Variants in ABCB8 observed in about 807,000 individuals in gnomAD.
The protein encoded by ABCB8 is ATP binding cassette subfamily B member 8.
ABCB8 carries 52 observed loss-of-function variants against 73.0 expected under a neutral mutation model. That is an observed-to-expected ratio of 0.71 (90% confidence interval 0.57 to 0.90). ABCB8 has a LOEUF of 0.90. Ranked by LOEUF, ABCB8 falls within the 40% of genes least tolerant of loss-of-function variation. The pLI, the probability that ABCB8 is intolerant of heterozygous loss-of-function variation, is 0.00. For missense variants in ABCB8, 909 were observed against 974.6 expected (o/e 0.93, Z 0.90); for synonymous variants, 428 against 423.5 (o/e 1.01, Z -0.13).
intron 14 of ABCB8, among the ~76,000 whole-genome samples, chr7:151,043,155 C>T (rs560028936): frequency 2.0e-5 from 3 of 152,338 alleles, no homozygotes; most frequent in South Asian, 2.1e-4. Context: ...CCACAGAGAC[C>T]CGGGAGGCTG....
rs528152751 is a variant in ABCB8, at chr7:151,046,726, G to T, written c.*1377G>T. The T allele has an allele frequency of 6.6e-6, 1 of 152,398 alleles. No homozygotes were observed. The highest frequency in any genetic ancestry group is 1.9e-4 in the East Asian group (1 of 5,184). 9.4% of individuals were successfully genotyped at this position (152,398 alleles called of 1,614,324 possible). On this transcript the variant is annotated 3_prime_UTR_variant, in exon 16 of 16. Coordinates refer to ENST00000358849, the MANE Select transcript of ABCB8 (RefSeq NM_007188.5). ...AGAAGGGTGGTACCCTCTTTCAGGGGTGTGATACAGTGCATTGATGGAGCA... is the reference window on the plus strand; with the variant it reads ...AGAAGGGTGGTACCCTCTTTCAGGGTTGTGATACAGTGCATTGATGGAGCA...
chr7:151,028,973 C>T, intron 1 of ABCB8: 1 of 1,246,084 alleles, frequency 8.0e-7, no homozygotes, highest in Non-Finnish European at 1.0e-6. Context: ...TGTAGTGGTG[C>T]TTCCAGGATT....
intron 14 of ABCB8, 27 bp from the exon 15 acceptor site, chr7:151,043,944 G>A (rs1270718368): frequency 1.2e-6 from 2 of 1,603,228 alleles, no homozygotes; most frequent in East Asian, 4.5e-5. Context: ...ACAGCTTCAG[G>A]CTCCTGCCCT....
Position 151,035,884 on chromosome 7 carries a change from C to A in ABCB8, c.930C>A (p.Ile310=), listed in dbSNP as rs187662799. 1.9e-6 allele frequency: 3 copies of A among 1,613,086 alleles called. No individual in the cohort carries two copies. Among genetic ancestry groups the A allele is most frequent in the Non-Finnish European group, 8.5e-7 (1 of 1,180,036 alleles). ...RKLSRQCQEQ[I]ARAMGVADEA... ...CCTGTTTCCTGGACTCCTTGCAGATCGCCAGGGCAATGGGCGTAGCAGACG... is the reference window on the plus strand; with the variant it reads ...CCTGTTTCCTGGACTCCTTGCAGATAGCCAGGGCAATGGGCGTAGCAGACG... The change falls in exon 7 of 16, where the codon ATC becomes ATA. Residue 310 remains isoleucine, a splice_region_variant and synonymous_variant. Transcript: ENST00000358849.
At chr7:151,028,641 C>T (rs373243993) in intron 1 of ABCB8, 31 bp downstream of exon 1, 16 of 1,599,560 alleles carry the variant, frequency 1.0e-5, no homozygotes, top group Non-Finnish European at 1.4e-5. Flanking sequence ...TCAGAGCGGG[C>T]CATTGACCGC....
At chr7:151,029,385 AG>A in intron 1 of ABCB8, among the ~76,000 whole-genome samples, 1 of 151,782 alleles carries the variant, frequency 6.6e-6, no homozygotes, top group East Asian at 1.9e-4. Flanking sequence ...GTCGAGAGAG[AG>A]AGACAGACAG....
In ABCB8 at chr7:151,043,962, C is replaced by G. The variant is rs200761492; in HGVS notation, c.1766-9C>G. On this transcript the variant is annotated splice_polypyrimidine_tract_variant and intron_variant, in intron 14 of 15. Coordinates refer to ENST00000358849, the MANE Select transcript of ABCB8 (RefSeq NM_007188.5). ...GCTTCAGGCTCCTGCCCTGCCCCTC[C>G]CTTCCCAGGTGAACGGGGCACTACC... The G allele has an allele frequency of 1.2e-6, 2 of 1,606,356 alleles. No individual in the cohort carries two copies. The highest frequency in any genetic ancestry group is 2.7e-5 in the African/African-American group (2 of 74,870).
intron 9 of ABCB8, 56 bp downstream of exon 9, chr7:151,036,705 G>C: frequency 2.1e-6 from 3 of 1,457,584 alleles, no homozygotes; most frequent in Non-Finnish European, 2.8e-6. Flanking sequence ...CCAGAGCCCT[G>C]CTGGGTTAGG....
chr7:151,031,208 G>A (rs983784590), intron 1 of ABCB8: 5 of 1,355,622 alleles, frequency 3.7e-6, no homozygotes, highest in Non-Finnish European at 5.1e-6. Context: ...AGTTCTGCCA[G>A]TGCTGTCTAA....
rs374991803 is a variant in ABCB8 at position 151,034,287 on chromosome 7, G to A, written c.423G>A (p.Ala141=). Residue 141 remains alanine, a synonymous_variant, in exon 3 of 16, where the codon GCG becomes GCA. Transcript: ENST00000358849. ...LGVAVVLALG[A]ALVNVQIPLL... ...CCCCATTCCAGCTGGCCTTGGGTGC[G>A]GCACTCGTGAATGTACAGATCCCCC... The A allele has an allele frequency of 2.4e-5, 38 of 1,612,768 alleles. No homozygotes were observed. Among genetic ancestry groups the A allele is most frequent in the African/African-American group, 5.3e-5 (4 of 74,912 alleles).
chr7:151,037,025 T>C (rs1165402288), intron 9 of ABCB8: 1 of 686,210 alleles, frequency 1.5e-6, no homozygotes, highest in Non-Finnish European at 2.7e-6. Flanking sequence ...CACATTGCTG[T>C]GCGGCTGTTG....
chr7:151,032,183 C>T (rs542609079), intron 1 of ABCB8, among the ~76,000 whole-genome samples: 2 of 152,302 alleles, frequency 1.3e-5, no homozygotes, highest in East Asian at 3.9e-4. Context: ...CCACCTGTGC[C>T]TGGCCTGTTC....
intron 9 of ABCB8, 179 bp from the exon 10 acceptor site, chr7:151,040,089 G>T (rs908946110): frequency 1.5e-6 from 1 of 648,612 alleles, no homozygotes; most frequent in African/African-American, 1.9e-5. Context: ...GGGAGCCAGG[G>T]CTCAGCGATC....
chr7:151,029,483 C>A (rs1031337704), intron 1 of ABCB8: 1 of 100,338 alleles, frequency 1.0e-5, no homozygotes, highest in Non-Finnish European at 2.0e-5. Flanking sequence ...CTTTTTTTTT[C>A]TTTTCTTTTC....
In ABCB8 at chr7:151,040,255, C is replaced by T; in HGVS notation, c.1218-13C>T. 1.2e-6 allele frequency: 2 copies of T among 1,611,412 alleles called. No individual in the cohort carries two copies. The highest frequency in any genetic ancestry group is 1.7e-6 in the Non-Finnish European group (2 of 1,178,952). ...TTCCCATCTATTCCACCCCTCTCTC[C>T]TTTTTCTGACAGGTCCATGGCCAAC... On this transcript the variant is annotated splice_polypyrimidine_tract_variant and intron_variant, in intron 9 of 15. Transcript: ENST00000358849.
chr7:151,040,620 G>C lies in ABCB8; in HGVS notation c.1374G>C (p.Gln458His). 2 of 1,612,798 alleles carry C rather than the reference G, an allele frequency of 1.2e-6. No individual in the cohort carries two copies. Among genetic ancestry groups the C allele is most frequent in the South Asian group, 1.1e-5 (1 of 91,006 alleles). ...AGCTGCGTGGCTCCGTTACATTTCA[G>C]AACGTCTGCTTCAGGTCAGCACGGG... ...KEQLRGSVTF[Q>H]NVCFSYPCRP... Residue 458 changes from glutamine to histidine, a missense_variant, in exon 11 of 16, where the codon CAG becomes CAC. Physicochemically the swap from Gln to His is conservative, Grantham distance 24. Transcript: ENST00000358849.
rs781539419 is a variant in ABCB8, at chr7:151,044,198, A to G, written c.1993A>G (p.Met665Val). The G allele has an allele frequency of 1.9e-5, 30 of 1,600,350 alleles. No individual in the cohort carries two copies. The highest frequency in any genetic ancestry group is 2.7e-5 in the African/African-American group (2 of 74,658). Residue 665 changes from methionine (M) to valine (V), a missense_variant, in exon 15 of 16, where the codon ATG (methionine) becomes GTG (valine). Met to Val is a conservative substitution (Grantham distance 21). Transcript: ENST00000358849. ...CCGTGGGGCCCACTGCATTGTCGTC[A>G]TGGCCGATGGCCGTGTCTGGGAGGT... ...TVRGAHCIVV[M>V]ADGRVWEAGT... is the part of the protein sequence containing the mutation.
intron 5 of ABCB8, among the ~76,000 whole-genome samples, chr7:151,035,273 T>C (rs570896724): frequency 6.6e-6 from 1 of 152,334 alleles, no homozygotes; most frequent in East Asian, 1.9e-4. Flanking sequence ...CAGTCACTGG[T>C]GTACCCCCAT....
intron 4 of ABCB8, 50 bp downstream of exon 4, chr7:151,034,649 G>A: frequency 6.2e-7 from 1 of 1,612,746 alleles, no homozygotes; most frequent in Non-Finnish European, 8.5e-7. Context: ...GGCCTGAGGG[G>A]TCTGGGGGTA....
Sources: allele counts gnomAD v4.1 joint callset (sites outside exome capture counted in the v4.1 genomes callset), GRCh38; gene constraint gnomAD v4.1.1; transcripts MANE v1.5; gene names NCBI Gene and HGNC (gene_info 2026-07-23, HGNC 2026-07-21).